Variants in PTK2B observed in about 807,000 individuals in gnomAD.
The protein encoded by PTK2B is protein tyrosine kinase 2 beta, also known as protein-tyrosine kinase 2-beta.
PTK2B carries 71 observed loss-of-function variants against 142.9 expected under a neutral mutation model. The observed-to-expected ratio is 0.50, with a 90% CI of 0.41 to 0.61. The LOEUF is 0.61. Among genes scored for constraint, PTK2B ranks in the 20% least tolerant of loss-of-function variants. PTK2B has a pLI of 0.00. For synonymous variants in PTK2B, 519 were observed against 503.4 expected (o/e 1.03, Z -0.42); for missense variants, 1,105 against 1,320.4 (o/e 0.84, Z 2.53).
upstream of PTK2B, among the ~76,000 whole-genome samples, chr8:27,321,902 G>A (rs186916840): frequency 2.0e-4 from 30 of 152,170 alleles, no homozygotes; most frequent in East Asian, 2.1e-3. Flanking sequence ...GGCCCACTTC[G>A]TAAACATAGT....
At chr8:27,422,449 C>T (rs1002579479) in intron 5 of PTK2B, 66 bp downstream of exon 5, 15 of 1,373,406 alleles carry the variant, frequency 1.1e-5, no homozygotes, top group African/African-American at 1.5e-5. Context: ...CCGACCTTTC[C>T]CCATGTCCAA....
In PTK2B at chr8:27,420,019, C is replaced by T. The variant is rs149715605; in HGVS notation, c.329C>T (p.Thr110Met). 7.4e-6 allele frequency: 12 copies of T among 1,614,002 alleles called. No individual in the cohort carries two copies. The highest frequency in any genetic ancestry group is 4.5e-5 in the East Asian group (2 of 44,882). ...ATCCACTGGCTGCACCCACAGATGA[C>T]GGTGGGTGAGGTGCAGGACAAGTAT... ...DEIHWLHPQM[T>M]VGEVQDKYEC... is the part of the protein sequence containing the mutation. Residue 110 changes from threonine (T) to methionine (M), a missense_variant, in exon 3 of 31, where the codon ACG becomes ATG. Physicochemically the swap from Thr to Met is moderately conservative, Grantham distance 81 (BLOSUM62 -1). Coordinates refer to ENST00000346049, the MANE Select transcript of PTK2B (RefSeq NM_173176.3).
intron 4 of PTK2B, among the ~76,000 whole-genome samples, chr8:27,421,986 T>TA (rs768600390): frequency 1.7e-4 from 26 of 152,236 alleles, no homozygotes; most frequent in Non-Finnish European, 2.5e-4. Context: ...GAGCTTTGGA[T>TA]AAATTACTGA....
In PTK2B at chr8:27,430,074, C is replaced by G. The variant is rs2132006529; in HGVS notation, c.552-19C>G. Reference sequence around the variant, plus strand: ...ATTCTCCAGCCTTCAGCCTCCCTCTCCACCACCTATTTCTCCAGGCGGTTC... The same window carrying G: ...ATTCTCCAGCCTTCAGCCTCCCTCTGCACCACCTATTTCTCCAGGCGGTTC... On this transcript the variant is annotated intron_variant, in intron 5 of 30. Coordinates refer to ENST00000346049, the MANE Select transcript of PTK2B (RefSeq NM_173176.3). The G allele has an allele frequency of 6.2e-7, 1 of 1,609,810 alleles. No individual in the cohort carries two copies. Among genetic ancestry groups the G allele is most frequent in the East Asian group, 2.2e-5 (1 of 44,878 alleles).
chr8:27,311,496 C>T (rs931864050), exon 1 of PTK2B: 6 of 545,272 alleles, frequency 1.1e-5, no homozygotes, highest in South Asian at 2.6e-5. Context: ...TTCCCGCCTC[C>T]TCAGGTCCGG....
At position 27,436,208 on chromosome 8, in the gene PTK2B, C is replaced by T. The variant is rs370928231; in HGVS notation, c.1244-43C>T. ...GACACTCAGGTTCCCTAGGGGATAC[C>T]ACCGATCTCTGTGATCTGCGACTGT... On this transcript the variant is annotated intron_variant, in intron 14 of 30. Transcript: ENST00000346049. 114 of 1,595,496 alleles carry T rather than the reference C, an allele frequency of 7.1e-5. 2 individuals carry two copies. In the South Asian group the frequency reaches 1.0e-3, roughly 14 times the overall value.
At chr8:27,312,334 C>T (rs1224078546) in exon 2 of PTK2B, 1 of 152,210 alleles carries the variant, frequency 6.6e-6, no homozygotes, top group Admixed American at 6.5e-5. Flanking sequence ...CCCTGGAAGA[C>T]AGAATTCTTG....
At chr8:27,419,820 T>A in intron 2 of PTK2B, 75 bp from the exon 3 acceptor site, 1 of 1,510,428 alleles carries the variant, frequency 6.6e-7, no homozygotes. Flanking sequence ...AATCCCACTT[T>A]TCAGGTCTGT....
chr8:27,322,292 T>C (rs906003771), upstream of PTK2B: 1 of 152,256 alleles, frequency 6.6e-6, no homozygotes, highest in African/African-American at 2.4e-5. Context: ...GAGATGCCAG[T>C]TACATAATGT....
Position 27,454,441 on chromosome 8 carries a change from A to G in PTK2B, c.2734-90A>G, listed in dbSNP as rs1812019189. The G allele has an allele frequency of 1.9e-6, 3 of 1,555,734 alleles. No individual in the cohort carries two copies. In the African/African-American group the frequency reaches 4.1e-5, roughly 21 times the overall value. ...AGTCCCAGGCCACTCGCGGGGGACA[A>G]GCACCACCCCAGGAGAGCTCTTCCC... On this transcript the variant is annotated intron_variant, in intron 29 of 30. Transcript: ENST00000346049.
At chr8:27,451,847 G>A in intron 27 of PTK2B, 1 of 1,029,448 alleles carries the variant, frequency 9.7e-7, no homozygotes, top group Non-Finnish European at 1.2e-6. Context: ...GAAAAGTTAA[G>A]CAGTGCCACC....
chr8:27,454,358 C>T (rs868734207), intron 29 of PTK2B, 67 bp downstream of exon 29: 40 of 1,578,148 alleles, frequency 2.5e-5, no homozygotes, highest in Admixed American at 2.3e-4. Flanking sequence ...AAGGGGACTG[C>T]GCTTCCTGTT....
chr8:27,351,046 C>T (rs1805063807), intron 1 of PTK2B, among the ~76,000 whole-genome samples: 1 of 95,030 alleles, frequency 1.1e-5, no homozygotes, highest in Admixed American at 1.3e-4. Flanking sequence ...TATATACGTG[C>T]TTGGAGCAGG....
chr8:27,394,327 T>G (rs531079102), intron 1 of PTK2B, among the ~76,000 whole-genome samples: 2 of 152,330 alleles, frequency 1.3e-5, no homozygotes, highest in African/African-American at 4.8e-5. Flanking sequence ...GCCTAGACTA[T>G]ATGGTATAGC....
intron 1 of PTK2B, among the ~76,000 whole-genome samples, chr8:27,384,274 G>A (rs975058173): frequency 1.3e-5 from 2 of 152,234 alleles, no homozygotes; most frequent in African/African-American, 4.8e-5. Context: ...GGGATGACAG[G>A]CATGAGCCAC....
chr8:27,311,282 T>G (rs1372714305), upstream of PTK2B: 17 of 1,442,246 alleles, frequency 1.2e-5, no homozygotes, highest in Non-Finnish European at 1.5e-5. Context: ...CTCCGGCCCC[T>G]CCCACCCGCC....
intron 1 of PTK2B, among the ~76,000 whole-genome samples, chr8:27,371,462 C>G (rs1286559924): frequency 8.0e-4 from 121 of 151,954 alleles, no homozygotes; most frequent in Non-Finnish European, 1.3e-4. Context: ...AGCTCTGTTA[C>G]CTTGGGCTGG....
In PTK2B at chr8:27,415,522, T is replaced by C. The variant is rs548370454; in HGVS notation, c.205-4373T>C. Among the ~76,000 whole-genome samples the C allele has an allele frequency of 3.9e-5, 6 of 152,350 alleles. No homozygotes were observed. The South Asian group carries it at 1.2e-3, about 32-fold the overall frequency. On this transcript the variant is annotated intron_variant, in intron 2 of 30. Coordinates refer to ENST00000346049, the MANE Select transcript of PTK2B (RefSeq NM_173176.3). ...AAAGGGAACTCTCTGCAAGCACTGG[T>C]GAGTGCCCATAGCAAGCACAAACTA...
intron 2 of PTK2B, among the ~76,000 whole-genome samples, chr8:27,411,920 A>G (rs1809088588): frequency 1.3e-5 from 2 of 152,212 alleles, no homozygotes; most frequent in Non-Finnish European, 2.9e-5. Context: ...CAGGTTCAAC[A>G]GTTTCCTAAA....
Sources: gnomAD v4.1 joint callset for allele counts (sites outside exome capture counted in the v4.1 genomes callset) on GRCh38, gnomAD v4.1.1 for gene constraint, MANE v1.5 for transcripts, NCBI Gene and HGNC (gene_info 2026-07-23, HGNC 2026-07-21) for gene names.